PDE1A: variants seen among roughly 807,000 people sequenced by gnomAD.
The protein encoded by PDE1A is phosphodiesterase 1A, also known as dual specificity calcium/calmodulin-dependent 3',5'-cyclic nucleotide phosphodiesterase 1A.
PDE1A carries 35 observed loss-of-function variants against 61.7 expected under a neutral mutation model. The observed-to-expected ratio is 0.57, with a 90% CI of 0.43 to 0.75. The LOEUF is 0.75. PDE1A is among the 30% of genes least tolerant of loss of function. The pLI is 0.00. For synonymous variants in PDE1A, 232 were observed against 213.2 expected (o/e 1.09, Z -0.77); for missense variants, 597 against 630.6 (o/e 0.95, Z 0.57).
chr2:182,365,219 G>A (rs980265574), intron 1 of PDE1A, among the ~76,000 whole-genome samples: 1 of 152,020 alleles, frequency 6.6e-6, no homozygotes, highest in Non-Finnish European at 1.5e-5. Context: ...GGGACAGCAG[G>A]TGTAAGCTAA....
chr2:182,644,642 C>T, the PDE1A span, among the ~76,000 whole-genome samples: 2 of 152,060 alleles, frequency 1.3e-5, no homozygotes, highest in Admixed American at 6.6e-5. Flanking sequence ...TTGGCAAGGA[C>T]GTCATCTCGC....
intron 2 of PDE1A, among the ~76,000 whole-genome samples, chr2:182,455,676 A>G (rs966661672): frequency 1.3e-5 from 2 of 152,056 alleles, no homozygotes; most frequent in African/African-American, 4.8e-5. Flanking sequence ...CAAACACTGC[A>G]TGTTCTCACT....
chr2:182,201,798 T>C lies in PDE1A; in HGVS notation c.903-9A>G. ...CTAGGTTCCGAAGATCCCTGCAGAG[T>C]CACCAAAAGGAGAAAGGTTCATTCA... On this transcript the variant is annotated splice_polypyrimidine_tract_variant and intron_variant, in intron 8 of 13. Coordinates refer to ENST00000351439, the Ensembl canonical transcript of PDE1A. 1 of 1,556,366 alleles carries C rather than the reference T, an allele frequency of 6.4e-7. No individual in the cohort carries two copies. The highest frequency in any genetic ancestry group is 1.2e-5 in the South Asian group (1 of 85,344).
At chr2:182,151,376 A>G (rs1420769448) in intron 13 of PDE1A, among the ~76,000 whole-genome samples, 2 of 152,128 alleles carry the variant, frequency 1.3e-5, no homozygotes, top group Non-Finnish European at 2.9e-5. Context: ...AAGTGCTGGG[A>G]TTACAGGTGT....
intron 1 of PDE1A, among the ~76,000 whole-genome samples, chr2:182,386,847 C>T (rs555157672): frequency 2.3e-3 from 346 of 151,940 alleles, no homozygotes; most frequent in African/African-American, 7.7e-3. Flanking sequence ...AGGTGGGGGG[C>T]GCCTCTGCCC....
At chr2:182,639,429 AG>A in the PDE1A span, among the ~76,000 whole-genome samples, 3 of 152,116 alleles carry the variant, frequency 2.0e-5, no homozygotes, top group Non-Finnish European at 4.4e-5. Flanking sequence ...TTAGCTGGGC[AG>A]GGTGGCACAC....
chr2:182,431,241 T>C (rs1309246988), upstream of PDE1A, among the ~76,000 whole-genome samples: 1 of 152,036 alleles, frequency 6.6e-6, no homozygotes, highest in African/African-American at 2.4e-5. Context: ...AACTCCAGTT[T>C]AGTTGTTGCC....
chr2:182,163,478 C>T (rs919550042), downstream of PDE1A, among the ~76,000 whole-genome samples: 1 of 152,122 alleles, frequency 6.6e-6, no homozygotes, highest in Non-Finnish European at 1.5e-5. Context: ...ACCTAGTGAG[C>T]AAGAAGTAAC....
intron 1 of PDE1A, among the ~76,000 whole-genome samples, chr2:182,322,341 C>T (rs904237873): frequency 6.6e-5 from 10 of 152,228 alleles, no homozygotes; most frequent in Non-Finnish European, 1.0e-4. Flanking sequence ...ATAATCCCCA[C>T]GTGTTGTGGG....
upstream of PDE1A, among the ~76,000 whole-genome samples, chr2:182,525,437 G>C (rs909636757): frequency 6.6e-6 from 1 of 152,144 alleles, no homozygotes; most frequent in South Asian, 2.1e-4. Flanking sequence ...TATATTGGCT[G>C]ATGTAGTTTG....
chr2:182,612,449 T>C, the PDE1A span, among the ~76,000 whole-genome samples: 2 of 152,164 alleles, frequency 1.3e-5, no homozygotes, highest in East Asian at 3.8e-4. Context: ...AATGCATCAG[T>C]AGAAATTTAT....
chr2:182,256,455 G>A (rs910868056), intron 2 of PDE1A, among the ~76,000 whole-genome samples: 5 of 152,020 alleles, frequency 3.3e-5, no homozygotes, highest in South Asian at 4.1e-4. Context: ...TCAGTGTGGC[G>A]ATTCCTCAGG....
intron 2 of PDE1A, among the ~76,000 whole-genome samples, chr2:182,249,250 G>A (rs1691214656): frequency 6.6e-6 from 1 of 152,220 alleles, no homozygotes; most frequent in Non-Finnish European, 1.5e-5. Flanking sequence ...TGAGAGGAAA[G>A]ACCTAATAAG....
intron 6 of PDE1A, among the ~76,000 whole-genome samples, chr2:182,227,962 T>G (rs1689268893): frequency 6.6e-6 from 1 of 152,048 alleles, no homozygotes; most frequent in African/African-American, 2.4e-5. Flanking sequence ...TACAGTCATC[T>G]CTCCTCCTTC....
At chr2:182,148,807 C>T (rs1260293021) in intron 13 of PDE1A, among the ~76,000 whole-genome samples, 1 of 152,162 alleles carries the variant, frequency 6.6e-6, no homozygotes, top group Non-Finnish European at 1.5e-5. Context: ...TCAATCTCTC[C>T]AAGGGTCTTG....
intron 2 of PDE1A, among the ~76,000 whole-genome samples, chr2:182,500,337 G>A (rs1343575797): frequency 6.6e-6 from 1 of 152,070 alleles, no homozygotes; most frequent in Non-Finnish European, 1.5e-5. Flanking sequence ...AGGAGGGGGT[G>A]GCAGGAGCTT....
chr2:182,370,504 G>C lies in PDE1A; in HGVS notation c.53+56074C>G, dbSNP rs965954403. 3.3e-5 allele frequency among the ~76,000 whole-genome samples: 5 copies of C among 152,152 alleles called. No individual in the cohort carries two copies. The East Asian group carries it at 9.6e-4, about 29-fold the overall frequency. On this transcript the variant is annotated intron_variant, in intron 1 of 13. Coordinates refer to ENST00000351439, the Ensembl canonical transcript of PDE1A. ...TAAGGATGACTGGGAACAATGTCAG[G>C]CAATTTTTCTTAAGCACCACCCAGG...
intron 2 of PDE1A, among the ~76,000 whole-genome samples, chr2:182,465,318 C>G (rs1474532778): frequency 6.6e-6 from 1 of 151,994 alleles, no homozygotes; most frequent in African/African-American, 2.4e-5. Flanking sequence ...TACAATTTTC[C>G]TTTCCAAACA....
At chr2:182,570,592 C>T in the PDE1A span, among the ~76,000 whole-genome samples, 1 of 152,154 alleles carries the variant, frequency 6.6e-6, no homozygotes, top group Admixed American at 6.5e-5. Context: ...TTAGAGCATA[C>T]ACCAATAAAA....
Sources: allele counts gnomAD v4.1 joint callset (sites outside exome capture counted in the v4.1 genomes callset), GRCh38; gene constraint gnomAD v4.1.1; transcripts MANE v1.5; gene names NCBI Gene and HGNC (gene_info 2026-07-23, HGNC 2026-07-21).